The following WDR70 variants were observed in gnomAD, a reference collection of about 807,000 sequenced individuals.
WDR70 encodes the protein WD repeat-containing protein 70.
In WDR70, 53 loss-of-function variants were observed where a neutral mutation model predicts 88.6. The observed-to-expected ratio is 0.60, with a 90% CI of 0.48 to 0.75. WDR70 has a LOEUF of 0.75. Among genes scored for constraint, WDR70 ranks in the 30% least tolerant of loss-of-function variants. The pLI is 0.00. For missense variants in WDR70, 610 were observed against 823.2 expected (o/e 0.74, Z 3.17); for synonymous variants, 280 against 270.0 (o/e 1.04, Z -0.36).
chr5:37,555,481 A>G (rs1742269838), intron 9 of WDR70, among the ~76,000 whole-genome samples: 1 of 152,144 alleles, frequency 6.6e-6, no homozygotes, highest in African/African-American at 2.4e-5. Flanking sequence ...ACATTGCAGA[A>G]ATCTTGGGCA....
chr5:37,728,186 A>G (rs1748037822), intron 17 of WDR70, among the ~76,000 whole-genome samples: 1 of 151,874 alleles, frequency 6.6e-6, no homozygotes, highest in South Asian at 2.1e-4. Context: ...CATCACTACT[A>G]AAAACACAAA....
chr5:37,381,049 G>T (rs1748409287), intron 2 of WDR70, among the ~76,000 whole-genome samples: 1 of 152,212 alleles, frequency 6.6e-6, no homozygotes, highest in Non-Finnish European at 1.5e-5. Flanking sequence ...AAGTTACTGG[G>T]GGAGGAGGAG....
chr5:37,669,415 A>C (rs1745958472), intron 10 of WDR70, among the ~76,000 whole-genome samples: 1 of 147,542 alleles, frequency 6.8e-6, no homozygotes, highest in Admixed American at 6.8e-5. Flanking sequence ...AAAAAAAAAC[A>C]TTTTGTTTTC....
At chr5:37,405,755 G>T (rs746526902) in intron 5 of WDR70, among the ~76,000 whole-genome samples, 1 of 152,036 alleles carries the variant, frequency 6.6e-6, no homozygotes, top group Non-Finnish European at 1.5e-5. Flanking sequence ...TCTCAAAAAG[G>T]ATTTAATGGA....
At chr5:37,694,054 C>G (rs551539537) in intron 10 of WDR70, among the ~76,000 whole-genome samples, 1 of 152,104 alleles carries the variant, frequency 6.6e-6, no homozygotes, top group Non-Finnish European at 1.5e-5. Flanking sequence ...AACAGACACT[C>G]CTCAAAAGAA....
chr5:37,727,766 G>C (rs1347708454), intron 17 of WDR70, among the ~76,000 whole-genome samples: 2 of 152,032 alleles, frequency 1.3e-5, no homozygotes, highest in East Asian at 3.9e-4. Flanking sequence ...TGTAGAGACA[G>C]TGTCTCACTC....
intron 5 of WDR70, among the ~76,000 whole-genome samples, chr5:37,411,470 A>G (rs1156987219): frequency 2.6e-5 from 4 of 152,156 alleles, no homozygotes; most frequent in African/African-American, 9.7e-5. Flanking sequence ...TCACACCTGT[A>G]ATTCCAACAC....
At chr5:37,751,174 G>A (rs1748797314) in intron 17 of WDR70, among the ~76,000 whole-genome samples, 1 of 152,152 alleles carries the variant, frequency 6.6e-6, no homozygotes, top group African/African-American at 2.4e-5. Context: ...CAGCATCTTT[G>A]CCAGAAGATG....
intron 8 of WDR70, among the ~76,000 whole-genome samples, chr5:37,501,329 T>A (rs955034981): frequency 1.3e-5 from 2 of 152,190 alleles, no homozygotes; most frequent in African/African-American, 4.8e-5. Context: ...TCTTGGCCAG[T>A]TTCCAGAAAA....
At chr5:37,697,891 C>T (rs533636096) in intron 11 of WDR70, 137 bp downstream of exon 11, 78 of 551,440 alleles carry the variant, frequency 1.4e-4, no homozygotes, top group Middle Eastern at 4.2e-4. Context: ...CTGATTTCTT[C>T]ATTAAAATAC....
At position 37,415,454 on chromosome 5, in the gene WDR70, C is replaced by CG. The variant is rs1334072645; in HGVS notation, c.492+18889dup. Among the ~76,000 whole-genome samples, 10 of 73,464 alleles carry CG rather than the reference C, an allele frequency of 1.4e-4. 4 individuals carry two copies. The highest frequency in any genetic ancestry group is 4.2e-4 in the Admixed American group (3 of 7,084). The allele number at this position is 73,464 out of a possible 152,430, so 48.2% of individuals were successfully genotyped here. ...TCCCGGACGGGGCGGCTGGCCGGGCCGGGGGCTGATCCCCCCACCTCCCTC... is the reference window on the plus strand; with the variant it reads ...TCCCGGACGGGGCGGCTGGCCGGGCCGGGGGGCTGATCCCCCCACCTCCCTC... On this transcript the variant is annotated intron_variant, in intron 5 of 17. Transcript: ENST00000265107.
At chr5:37,490,043 C>G (rs995945787) in intron 8 of WDR70, among the ~76,000 whole-genome samples, 1 of 152,048 alleles carries the variant, frequency 6.6e-6, no homozygotes. Flanking sequence ...AATTCCTAGG[C>G]CTTCAGATGG....
intron 10 of WDR70, among the ~76,000 whole-genome samples, chr5:37,657,573 G>A (rs949989777): frequency 6.6e-6 from 1 of 152,176 alleles, no homozygotes; most frequent in South Asian, 2.1e-4. Flanking sequence ...CACTTCATTT[G>A]TACATGATGA....
At chr5:37,474,640 A>G (rs767128410) in intron 7 of WDR70, among the ~76,000 whole-genome samples, 1 of 152,150 alleles carries the variant, frequency 6.6e-6, no homozygotes, top group Non-Finnish European at 1.5e-5. Flanking sequence ...AACGTGTGCC[A>G]TAGTGGTTTG....
At chr5:37,691,374 A>G (rs1266268750) in intron 10 of WDR70, among the ~76,000 whole-genome samples, 1 of 152,218 alleles carries the variant, frequency 6.6e-6, no homozygotes, top group Non-Finnish European at 1.5e-5. Flanking sequence ...GTAGACATGT[A>G]CAGAACTCTC....
intron 9 of WDR70, among the ~76,000 whole-genome samples, chr5:37,593,185 T>A (rs1398247480): frequency 6.6e-6 from 1 of 152,158 alleles, no homozygotes; most frequent in Non-Finnish European, 1.5e-5. Flanking sequence ...ACTTTTAAGT[T>A]CTAGGGTACA....
intron 9 of WDR70, among the ~76,000 whole-genome samples, chr5:37,580,506 G>A (rs995596832): frequency 1.4e-4 from 21 of 152,288 alleles, no homozygotes; most frequent in Non-Finnish European, 2.2e-4. Context: ...GCCCCTAATT[G>A]AATTCTAGAT....
chr5:37,635,138 T>C (rs890584066), intron 10 of WDR70, among the ~76,000 whole-genome samples: 1 of 152,176 alleles, frequency 6.6e-6, no homozygotes, highest in Admixed American at 6.5e-5. Flanking sequence ...CTACTTTGCT[T>C]AGGACCTCTG....
At chr5:37,481,168 G>T (rs1245282933) in intron 8 of WDR70, among the ~76,000 whole-genome samples, 4 of 152,284 alleles carry the variant, frequency 2.6e-5, no homozygotes, top group Admixed American at 2.6e-4. Context: ...GCTTTTCCAG[G>T]CACACAGTGC....
Sources: allele counts gnomAD v4.1 joint callset (sites outside exome capture counted in the v4.1 genomes callset), GRCh38; gene constraint gnomAD v4.1.1; transcripts MANE v1.5; gene names NCBI Gene and HGNC (gene_info 2026-07-23, HGNC 2026-07-21).